Variants in LINGO2 observed in about 807,000 individuals in gnomAD.
LINGO2 encodes the protein leucine-rich repeat and immunoglobulin-like domain-containing nogo receptor-interacting protein 2.
LINGO2 carries 14 observed loss-of-function variants against 30.6 expected under a neutral mutation model. That is an observed-to-expected ratio of 0.46 (90% CI 0.30 to 0.72). The LOEUF is 0.72. Ranked by LOEUF, LINGO2 falls within the 30% of genes least tolerant of loss-of-function variation. LINGO2 has a pLI of 0.07. For synonymous variants in LINGO2, 317 were observed against 288.5 expected (o/e 1.10, Z -1.00); for missense variants, 729 against 751.7 (o/e 0.97, Z 0.35).
the LINGO2 span, among the ~76,000 whole-genome samples, chr9:28,697,479 ATAAT>A: frequency 6.6e-3 from 1,000 of 152,130 alleles, 11 homozygotes; most frequent in African/African-American, 0.023. Flanking sequence ...AAATTGTACT[ATAAT>A]TAATCATAGT....
the LINGO2 span, among the ~76,000 whole-genome samples, chr9:29,000,318 T>C: frequency 0.18 from 27,259 of 151,826 alleles, 2,525 homozygotes; most frequent in South Asian, 0.21. Context: ...TTAATATAAA[T>C]TTACTATGCA....
At chr9:28,267,615 C>T (rs1564084761) in intron 4 of LINGO2, among the ~76,000 whole-genome samples, 2 of 152,020 alleles carry the variant, frequency 1.3e-5, no homozygotes, top group Non-Finnish European at 2.9e-5. Context: ...CTGCATGTCA[C>T]CTTAATCTTC....
Position 28,147,707 on chromosome 9 carries a change from TCC to T in LINGO2, c.-86-135304_-86-135303del, listed in dbSNP as rs1827855308. ...CCCAACAGCCCCACGGGGGGGCCCGTCCAGGGCCACACAACTGCCCCCAGGAG... is the reference window on the plus strand; with the variant it reads ...CCCAACAGCCCCACGGGGGGGCCCGTAGGGCCACACAACTGCCCCCAGGAG... On this transcript the variant is annotated intron_variant, in intron 4 of 5. Transcript: ENST00000379992. This position sits in a 1 kb window ranked among gnomAD's most constrained non-coding sequence, Gnocchi z 4.7. 6.6e-6 allele frequency among the ~76,000 whole-genome samples: 1 copy of T among 152,106 alleles called. No homozygotes were observed. The highest frequency in any genetic ancestry group is 2.4e-5 in the African/African-American group (1 of 41,446).
chr9:29,101,228 T>C, the LINGO2 span, among the ~76,000 whole-genome samples: 6 of 152,142 alleles, frequency 3.9e-5, no homozygotes, highest in Non-Finnish European at 2.9e-5. Flanking sequence ...CCACCGTTAG[T>C]GGAATTAATC....
chr9:28,439,035 T>C lies in LINGO2; in HGVS notation c.-279+36905A>G, dbSNP rs994714726. ...ATGAAATACAGATATCTATACATTA[T>C]ATATGAAATACAGATATCTATACAT... On this transcript the variant is annotated intron_variant, in intron 2 of 5. Coordinates refer to ENST00000379992, the Ensembl canonical transcript of LINGO2. 4.7e-5 allele frequency among the ~76,000 whole-genome samples: 7 copies of C among 147,378 alleles called. No individual in the cohort carries two copies. The South Asian group carries it at 8.4e-4, about 18-fold the overall frequency.
the LINGO2 span, among the ~76,000 whole-genome samples, chr9:28,839,848 G>A: frequency 1.3e-5 from 2 of 152,146 alleles, no homozygotes; most frequent in Non-Finnish European, 2.9e-5. Context: ...TCCTGCTGGG[G>A]TGCATGGTGC....
the LINGO2 span, among the ~76,000 whole-genome samples, chr9:28,838,513 C>T: frequency 6.6e-6 from 1 of 152,206 alleles, no homozygotes; most frequent in Non-Finnish European, 1.5e-5. Flanking sequence ...GTCCCAAAAC[C>T]AAAAGTTTAA....
At chr9:28,935,382 C>T in the LINGO2 span, among the ~76,000 whole-genome samples, 2 of 152,032 alleles carry the variant, frequency 1.3e-5, no homozygotes, top group African/African-American at 4.8e-5. Flanking sequence ...TGACCTATTT[C>T]TTTTTCTTAT....
chr9:28,876,315 A>G, the LINGO2 span, among the ~76,000 whole-genome samples: 26 of 152,088 alleles, frequency 1.7e-4, 1 homozygote, highest in East Asian at 2.5e-3. Context: ...TTAGTTACAT[A>G]TGTATACATG....
At chr9:28,268,545 A>G (rs984877656) in intron 4 of LINGO2, among the ~76,000 whole-genome samples, 3 of 152,146 alleles carry the variant, frequency 2.0e-5, no homozygotes, top group Non-Finnish European at 4.4e-5. Context: ...TGACCCTGTC[A>G]ATGAGTCCAT....
intron 5 of LINGO2, among the ~76,000 whole-genome samples, chr9:28,002,371 TGAGA>T (rs1822004838): frequency 6.6e-6 from 1 of 152,180 alleles, no homozygotes; most frequent in East Asian, 1.9e-4. Flanking sequence ...GTACCACAAC[TGAGA>T]AAGAAGCAGA....
intron 1 of LINGO2, among the ~76,000 whole-genome samples, chr9:28,566,137 G>C (rs931739868): frequency 6.6e-6 from 1 of 152,062 alleles, no homozygotes; most frequent in Admixed American, 6.5e-5. Flanking sequence ...TATTAACTGA[G>C]TCCTAAAGGC....
chr9:28,046,415 C>CAA (rs1331708510), intron 4 of LINGO2, among the ~76,000 whole-genome samples: 2 of 152,148 alleles, frequency 1.3e-5, no homozygotes, highest in Admixed American at 1.3e-4. Context: ...TGGGGTCCAC[C>CAA]AATTTGCATT....
intron 1 of LINGO2, among the ~76,000 whole-genome samples, chr9:28,631,613 G>C (rs543323155): frequency 2.6e-5 from 4 of 152,194 alleles, no homozygotes; most frequent in African/African-American, 9.6e-5. Context: ...ATTGGGGAAA[G>C]TGTATGAAAC....
At chr9:29,112,538 A>G in the LINGO2 span, among the ~76,000 whole-genome samples, 1 of 152,328 alleles carries the variant, frequency 6.6e-6, no homozygotes, top group South Asian at 2.1e-4. Context: ...CAGCAGCCCT[A>G]AGGCATCTAT....
At chr9:28,497,050 C>G (rs990631890) in intron 1 of LINGO2, among the ~76,000 whole-genome samples, 16 of 152,324 alleles carry the variant, frequency 1.1e-4, no homozygotes, top group Admixed American at 3.9e-4. Context: ...CTGGACTTCC[C>G]TTTGTGGGTA....
intron 3 of LINGO2, among the ~76,000 whole-genome samples, chr9:28,351,067 C>A (rs1242571104): frequency 2.0e-5 from 3 of 151,964 alleles, no homozygotes; most frequent in African/African-American, 4.8e-5. Context: ...AAAATTGGCA[C>A]CCTAACATCA....
the LINGO2 span, among the ~76,000 whole-genome samples, chr9:28,844,293 T>C: frequency 6.6e-6 from 1 of 151,358 alleles, no homozygotes; most frequent in African/African-American, 2.4e-5. Flanking sequence ...ACCTGGGAGG[T>C]GGAGGTTGCA....
the LINGO2 span, among the ~76,000 whole-genome samples, chr9:28,845,239 T>C: frequency 6.6e-6 from 1 of 151,870 alleles, no homozygotes; most frequent in African/African-American, 2.4e-5. Context: ...AATTGGGAGT[T>C]GAAGAACAGT....
Sources: gnomAD v4.1 joint callset for allele counts (sites outside exome capture counted in the v4.1 genomes callset) on GRCh38, gnomAD v4.1.1 for gene constraint, Gnocchi (gnomAD v3.1) non-coding constraint, MANE v1.5 for transcripts, NCBI Gene and HGNC (gene_info 2026-07-23, HGNC 2026-07-21) for gene names.